Variants in CLVS1 observed in about 807,000 individuals in gnomAD.
The protein encoded by CLVS1 is clavesin-1.
CLVS1 carries 10 observed loss-of-function variants against 33.1 expected under a neutral mutation model. The ratio of observed to expected loss-of-function variants is 0.30; its 90% CI spans 0.19 to 0.51. The LOEUF is 0.51. Ranked by LOEUF, CLVS1 falls within the 20% of genes least tolerant of loss-of-function variation. The pLI is 0.97. For missense variants in CLVS1, 343 were observed against 433.4 expected, an observed-to-expected ratio of 0.79 and a Z score of 1.85; for synonymous variants, 163 against 166.1, an observed-to-expected ratio of 0.98 and a Z score of 0.14.
chr8:61,159,530 T>C (rs1355637666), intron 2 of CLVS1, among the ~76,000 whole-genome samples: 2 of 152,224 alleles, frequency 1.3e-5, no homozygotes, highest in Non-Finnish European at 2.9e-5. Flanking sequence ...GCCTTTTGTC[T>C]CCATTAATCA....
the CLVS1 span, among the ~76,000 whole-genome samples, chr8:60,980,055 C>T: frequency 6.6e-6 from 1 of 152,178 alleles, no homozygotes; most frequent in East Asian, 1.9e-4. Context: ...ATACAACACC[C>T]TTGGGGCAGG....
rs574540881 is a variant in CLVS1, at chr8:61,185,784, G to A, written c.-152+53924G>A. ...TAGGCTATTAGTAATATCTTTTCAGGGCTCAGTTTCTTCATTTGTAAAATG... is the reference window on the plus strand; with the variant it reads ...TAGGCTATTAGTAATATCTTTTCAGAGCTCAGTTTCTTCATTTGTAAAATG... On this transcript the variant is annotated intron_variant, in intron 2 of 2. Coordinates refer to the CLVS1 transcript ENST00000522621. 5.3e-5 allele frequency among the ~76,000 whole-genome samples: 8 copies of A among 152,102 alleles called. 1 individual carries two copies. In the South Asian group the frequency reaches 8.3e-4, roughly 16 times the overall value.
intron 3 of CLVS1, among the ~76,000 whole-genome samples, chr8:61,406,129 CCTAA>C (rs1585924719): frequency 6.6e-6 from 1 of 152,280 alleles, no homozygotes; most frequent in East Asian, 1.9e-4. Flanking sequence ...CATTAAAGCT[CCTAA>C]CTATGTCCTG....
chr8:61,211,602 C>T (rs147505815), intron 2 of CLVS1, among the ~76,000 whole-genome samples: 292 of 152,330 alleles, frequency 1.9e-3, no homozygotes, highest in Non-Finnish European at 3.1e-3. Context: ...TTGCCACTCA[C>T]TGTGTGCCAG....
intron 3 of CLVS1, among the ~76,000 whole-genome samples, chr8:61,393,592 G>A (rs1814394196): frequency 6.6e-6 from 1 of 152,096 alleles, no homozygotes; most frequent in Admixed American, 6.5e-5. Flanking sequence ...TTTTCCCATG[G>A]GGTGATCCCT....
intron 3 of CLVS1, among the ~76,000 whole-genome samples, chr8:61,401,931 T>G (rs1283467821): frequency 6.6e-6 from 1 of 152,138 alleles, no homozygotes; most frequent in Admixed American, 6.5e-5. Flanking sequence ...AATGCACATA[T>G]TTTCATGCTA....
chr8:61,393,322 A>G (rs182731381), intron 3 of CLVS1, among the ~76,000 whole-genome samples: 1 of 152,288 alleles, frequency 6.6e-6, no homozygotes, highest in African/African-American at 2.4e-5. Flanking sequence ...TTAAAAAAAA[A>G]ATCTCTTTAA....
intron 2 of CLVS1, among the ~76,000 whole-genome samples, chr8:61,265,450 T>A (rs557007279): frequency 2.5e-4 from 38 of 152,352 alleles, no homozygotes; most frequent in African/African-American, 8.9e-4. Flanking sequence ...GTGAGGATAA[T>A]AATACTACCT....
intron 2 of CLVS1, among the ~76,000 whole-genome samples, chr8:61,373,974 T>G (rs1813542786): frequency 6.6e-6 from 1 of 152,190 alleles, no homozygotes; most frequent in Non-Finnish European, 1.5e-5. Flanking sequence ...CGCATATTTT[T>G]TACTATAGCA....
At chr8:61,033,161 A>AATAAAGAAAGAAAGAAAAAG in the CLVS1 span, among the ~76,000 whole-genome samples, 1 of 92,130 alleles carries the variant, frequency 1.1e-5, no homozygotes. Context: ...GAAAGAAAGA[A>AATAAAGAAAGAAAGAAAAAG]AAAGAAAGAA....
At chr8:61,499,044 A>C (rs2129608966) in intron 5 of CLVS1, among the ~76,000 whole-genome samples, 1 of 152,334 alleles carries the variant, frequency 6.6e-6, no homozygotes, top group South Asian at 2.1e-4. Flanking sequence ...CCAAGAGAAG[A>C]GATCACTGCA....
At chr8:61,239,457 G>A (rs1808646510) in intron 2 of CLVS1, among the ~76,000 whole-genome samples, 1 of 152,104 alleles carries the variant, frequency 6.6e-6, no homozygotes, top group South Asian at 2.1e-4. Context: ...TTTTAACCAG[G>A]TGTGGTGGCT....
At chr8:61,477,219 T>C (rs1817978885) in intron 5 of CLVS1, among the ~76,000 whole-genome samples, 1 of 152,228 alleles carries the variant, frequency 6.6e-6, no homozygotes. Flanking sequence ...TTGAGGACTT[T>C]TGCAACGATG....
chr8:61,123,624 C>T (rs912397572), intron 1 of CLVS1, among the ~76,000 whole-genome samples: 4 of 152,156 alleles, frequency 2.6e-5, no homozygotes, highest in African/African-American at 9.7e-5. Context: ...GGAAACTTTG[C>T]TCCAAAAATT....
chr8:61,130,435 G>C (rs1405494842), intron 1 of CLVS1, among the ~76,000 whole-genome samples: 1 of 151,978 alleles, frequency 6.6e-6, no homozygotes, highest in Non-Finnish European at 1.5e-5. Flanking sequence ...AGTTAATAAA[G>C]AGACAAAATG....
At chr8:60,981,862 G>A in the CLVS1 span, among the ~76,000 whole-genome samples, 12 of 152,370 alleles carry the variant, frequency 7.9e-5, no homozygotes, top group South Asian at 6.2e-4. Context: ...GGCACCCTGC[G>A]AAGCAGGAGG....
chr8:60,966,383 G>A, the CLVS1 span: 1 of 456,062 alleles, frequency 2.2e-6, no homozygotes, highest in Non-Finnish European at 4.4e-6. Flanking sequence ...CTTATCTTCT[G>A]AGGTGCTCAG....
chr8:61,485,213 T>C (rs1803829489), intron 5 of CLVS1, among the ~76,000 whole-genome samples: 1 of 151,856 alleles, frequency 6.6e-6, no homozygotes, highest in Admixed American at 6.6e-5. Context: ...AAGGCTAATA[T>C]CCAGAATCTA....
At chr8:61,201,422 C>T (rs1031072779) in intron 2 of CLVS1, among the ~76,000 whole-genome samples, 1 of 152,046 alleles carries the variant, frequency 6.6e-6, no homozygotes, top group Non-Finnish European at 1.5e-5. Flanking sequence ...GATCTGTCTA[C>T]AAATCCAGTG....
Sources: gnomAD v4.1 joint callset for allele counts (sites outside exome capture counted in the v4.1 genomes callset) on GRCh38, gnomAD v4.1.1 for gene constraint, MANE v1.5 for transcripts, NCBI Gene and HGNC (gene_info 2026-07-23, HGNC 2026-07-21) for gene names.